Variants in CDH13 observed in about 807,000 individuals in gnomAD.
The protein encoded by CDH13 is cadherin 13.
A neutral mutation model predicts 63.8 loss-of-function variants in CDH13; 24 were observed. The observed-to-expected ratio is 0.38, with a 90% CI of 0.27 to 0.53. The LOEUF is 0.53. Among genes scored for constraint, CDH13 ranks in the 20% least tolerant of loss-of-function variants. The probability of loss-of-function intolerance (pLI) is 0.85; values close to 1 mark genes in which losing one functional copy is unlikely to be tolerated. For missense variants in CDH13, 1,049 were observed against 903.1 expected (o/e 1.16, Z -2.07); for synonymous variants, 503 against 355.3 (o/e 1.42, Z -4.67).
intron 2 of CDH13, among the ~76,000 whole-genome samples, chr16:83,022,262 C>T (rs1034752202): frequency 1.3e-5 from 2 of 152,200 alleles, no homozygotes; most frequent in South Asian, 2.1e-4. Context: ...AACCAATATG[C>T]AGGACCTTCA....
chr16:82,724,811 A>T (rs2032997484), intron 1 of CDH13, among the ~76,000 whole-genome samples: 1 of 152,172 alleles, frequency 6.6e-6, no homozygotes, highest in Non-Finnish European at 1.5e-5. Context: ...CAGGGACAAG[A>T]GCAGGGATGA....
At chr16:83,792,572 C>A (rs1344902130) in intron 13 of CDH13, among the ~76,000 whole-genome samples, 1 of 152,188 alleles carries the variant, frequency 6.6e-6, no homozygotes, top group Admixed American at 6.5e-5. Flanking sequence ...CTAGTGGCAT[C>A]TAGTGGATGG....
chr16:82,697,330 G>C (rs961253833), intron 1 of CDH13, among the ~76,000 whole-genome samples: 2 of 150,642 alleles, frequency 1.3e-5, no homozygotes, highest in Non-Finnish European at 3.0e-5. Flanking sequence ...ATTTCCATCT[G>C]AAGAGAACAA....
intron 8 of CDH13, among the ~76,000 whole-genome samples, chr16:83,624,030 C>T (rs903580964): frequency 6.6e-6 from 1 of 152,244 alleles, no homozygotes; most frequent in East Asian, 1.9e-4. Flanking sequence ...GGGGAGGTTC[C>T]GGGGCTTTCC....
intron 6 of CDH13, among the ~76,000 whole-genome samples, chr16:83,445,268 A>C (rs2072647510): frequency 7.2e-6 from 1 of 139,200 alleles, no homozygotes; most frequent in Non-Finnish European, 1.7e-5. Context: ...AATTTATAAA[A>C]GCTTTTATAA....
At chr16:83,114,905 A>T (rs1179711899) in intron 3 of CDH13, among the ~76,000 whole-genome samples, 2 of 152,222 alleles carry the variant, frequency 1.3e-5, no homozygotes, top group East Asian at 3.9e-4. Context: ...GCACAATGAG[A>T]TCAGCTGCAA....
At chr16:83,486,430 T>C (rs763055124) in intron 6 of CDH13, 47 bp from the exon 7 acceptor site, 3 of 1,562,454 alleles carry the variant, frequency 1.9e-6, no homozygotes, top group Non-Finnish European at 2.6e-6. Flanking sequence ...CTGGCCGTTG[T>C]TGACCCATTG....
At chr16:83,725,961 A>C (rs1191746786) in intron 10 of CDH13, 1 of 152,254 alleles carries the variant, frequency 6.6e-6, no homozygotes. Flanking sequence ...TACTTTGGAA[A>C]AAAATTTCCC....
chr16:83,364,428 A>G (rs757178927), intron 6 of CDH13, among the ~76,000 whole-genome samples: 1 of 152,194 alleles, frequency 6.6e-6, no homozygotes, highest in Non-Finnish European at 1.5e-5. Flanking sequence ...CGAGAAATAG[A>G]TAAAGGAGTT....
chr16:82,698,051 G>GATGA (rs1009207680), intron 1 of CDH13, among the ~76,000 whole-genome samples: 59 of 152,138 alleles, frequency 3.9e-4, no homozygotes, highest in Admixed American at 2.4e-3. Flanking sequence ...CTGTTGAATG[G>GATGA]ATGAATGAAT....
intron 7 of CDH13, among the ~76,000 whole-genome samples, chr16:83,500,255 C>A (rs1053969196): frequency 3.6e-4 from 1 of 2,766 alleles, no homozygotes; most frequent in African/African-American, 4.7e-4. Context: ...TCTTCTTCTT[C>A]TTCTTCTTCT....
chr16:83,551,407 G>T (rs574994003), intron 7 of CDH13, among the ~76,000 whole-genome samples: 24 of 152,248 alleles, frequency 1.6e-4, no homozygotes, highest in African/African-American at 5.5e-4. Flanking sequence ...TTACAACCCT[G>T]CTTTACATAG....
chr16:83,560,853 C>T (rs1158469489), intron 7 of CDH13, among the ~76,000 whole-genome samples: 1 of 151,920 alleles, frequency 6.6e-6, no homozygotes, highest in East Asian at 1.9e-4. Context: ...ACCTCTGGCC[C>T]AGTAAGCCAT....
chr16:82,947,021 T>C (rs1237345070), intron 2 of CDH13, among the ~76,000 whole-genome samples: 1 of 150,538 alleles, frequency 6.6e-6, no homozygotes, highest in African/African-American at 2.4e-5. Flanking sequence ...TGTGTGTGTG[T>C]GTGTGTGTGT....
intron 7 of CDH13, among the ~76,000 whole-genome samples, chr16:83,596,786 G>T (rs533974658): frequency 3.9e-4 from 59 of 152,272 alleles, no homozygotes; most frequent in African/African-American, 1.3e-3. Flanking sequence ...ACTGGGTGTT[G>T]TACATTCCAA....
intron 2 of CDH13, among the ~76,000 whole-genome samples, chr16:82,884,814 G>A (rs887033824): frequency 1.3e-5 from 2 of 152,130 alleles, no homozygotes; most frequent in African/African-American, 2.4e-5. Context: ...GAAAACTTCA[G>A]CAGCCATATT....
chr16:82,636,870 A>T (rs1302495212), intron 1 of CDH13, among the ~76,000 whole-genome samples: 1 of 152,144 alleles, frequency 6.6e-6, no homozygotes, highest in Non-Finnish European at 1.5e-5. Context: ...TTTCCTAAAA[A>T]CTTAACAAGG....
At chr16:83,714,309 A>T (rs1908557857) in intron 10 of CDH13, among the ~76,000 whole-genome samples, 1 of 152,256 alleles carries the variant, frequency 6.6e-6, no homozygotes, top group African/African-American at 2.4e-5. Flanking sequence ...GATTTTTATT[A>T]TCGGTAGAAA....
intron 6 of CDH13, among the ~76,000 whole-genome samples, chr16:83,393,055 C>T (rs80172937): frequency 6.6e-6 from 1 of 151,870 alleles, no homozygotes. Context: ...AGAGACAGTT[C>T]CCTGCCAGAA....
Sources: gnomAD v4.1 joint callset for allele counts (sites outside exome capture counted in the v4.1 genomes callset) on GRCh38, gnomAD v4.1.1 for gene constraint, MANE v1.5 for transcripts, NCBI Gene and HGNC (gene_info 2026-07-23, HGNC 2026-07-21) for gene names.